The following JAG1 variants were observed in gnomAD, a reference collection of about 807,000 sequenced individuals.
JAG1 encodes the protein protein jagged-1.
In JAG1, 23 loss-of-function variants were observed where a neutral mutation model predicts 148.7. The ratio of observed to expected loss-of-function variants is 0.15; its 90% CI spans 0.11 to 0.22. JAG1 has a LOEUF of 0.22. JAG1 is among the 10% of genes least tolerant of loss of function. JAG1 has a pLI of 1.00. For missense variants in JAG1, 1,054 were observed against 1,611.2 expected (o/e 0.65, Z 5.92); for synonymous variants, 572 against 598.3 (o/e 0.96, Z 0.64).
intron 5 of JAG1, among the ~76,000 whole-genome samples, chr20:10,652,935 T>G (rs1364194507): frequency 6.6e-6 from 1 of 151,818 alleles, no homozygotes; most frequent in Non-Finnish European, 1.5e-5. Context: ...TGCGACAGAC[T>G]ATAGAGGAAA....
At position 10,640,939 on chromosome 20, in the gene JAG1, A is replaced by T; in HGVS notation, c.3049-6T>A. ...TCCCGTATATCTTCAGCAGACTGGA[A>T]AAACAATTGTCAGACTTGAGAGTCA... is the stretch of plus-strand genomic sequence containing the variant. On this transcript the variant is annotated splice_region_variant and splice_polypyrimidine_tract_variant and intron_variant, in intron 24 of 25. Transcript: ENST00000254958. 6.2e-7 allele frequency: 1 copy of T among 1,614,156 alleles called. No homozygotes were observed. Among genetic ancestry groups the T allele is most frequent in the South Asian group, 1.1e-5 (1 of 91,076 alleles).
At chr20:10,655,393 C>T (rs1284606200) in intron 5 of JAG1, among the ~76,000 whole-genome samples, 1 of 152,126 alleles carries the variant, frequency 6.6e-6, no homozygotes, top group Non-Finnish European at 1.5e-5. Flanking sequence ...CTGGAAGTTA[C>T]ACTTTGAGTA....
At chr20:10,665,841 A>G (rs1416861401) in intron 2 of JAG1, among the ~76,000 whole-genome samples, 1 of 152,208 alleles carries the variant, frequency 6.6e-6, no homozygotes, top group Non-Finnish European at 1.5e-5. Context: ...GTACTAACTC[A>G]GTTTAATACT....
Position 10,639,220 on chromosome 20 carries a change from G to A in JAG1, c.*278C>T, listed in dbSNP as rs2067252941. 4.1e-6 allele frequency: 2 copies of A among 484,954 alleles called. No individual in the cohort carries two copies. The highest frequency in any genetic ancestry group is 7.6e-6 in the Non-Finnish European group (2 of 263,674). 30.0% of individuals were successfully genotyped at this position (484,954 alleles called of 1,614,324 possible). On this transcript the variant is annotated 3_prime_UTR_variant, in exon 26 of 26. Transcript: ENST00000254958. ...GTGGGAGCTCAAAGACCAGGGGGCT[G>A]GGCAGGCTCCTGGGAGCCTGATCCG...
chr20:10,645,503 G>A lies in JAG1; in HGVS notation c.2000-34C>T, dbSNP rs779972879. 10 of 1,551,260 alleles carry A rather than the reference G, an allele frequency of 6.4e-6. No homozygotes were observed. The highest frequency in any genetic ancestry group is 2.2e-5 in the South Asian group (2 of 89,844). On this transcript the variant is annotated intron_variant, in intron 15 of 25. Coordinates refer to ENST00000254958, the MANE Select transcript of JAG1 (RefSeq NM_000214.3). This position sits in a 1 kb window ranked among gnomAD's most constrained non-coding sequence, Gnocchi z 6.1. ...AAAGGGGAGACAATCGGCTGAAGAC[G>A]AGATCCAGGACCATTCACGACAGGC... is the stretch of plus-strand genomic sequence containing the variant.
chr20:10,642,503 C>T lies in JAG1; in HGVS notation c.2557G>A (p.Ala853Thr), dbSNP rs967515336. The T allele has an allele frequency of 1.2e-6, 2 of 1,609,858 alleles. No individual in the cohort carries two copies. The highest frequency in any genetic ancestry group is 2.7e-5 in the African/African-American group (2 of 74,844). ...RCVCPPGHSG[A>T]KCQEVSGRPC... ...GCACACATACCTTCCTGGCACTTGG[C>T]ACCACTGTGCCCTGGAGGGCAGACA... Residue 853 changes from alanine (A) to threonine (T), a missense_variant, in exon 21 of 26, where the codon GCC becomes ACC. Physicochemically the swap from Ala to Thr is moderately conservative, Grantham distance 58 (BLOSUM62 0). Coordinates refer to ENST00000254958, the MANE Select transcript of JAG1 (RefSeq NM_000214.3).
At chr20:10,661,333 C>CTGT (rs1415809344) in intron 3 of JAG1, among the ~76,000 whole-genome samples, 2 of 152,118 alleles carry the variant, frequency 1.3e-5, no homozygotes, top group Non-Finnish European at 2.9e-5. Context: ...CGCTTGGGTC[C>CTGT]CACAGGGCAG....
intron 2 of JAG1, among the ~76,000 whole-genome samples, chr20:10,667,075 G>T (rs2067459072): frequency 1.3e-5 from 2 of 152,248 alleles, no homozygotes; most frequent in South Asian, 4.1e-4. Flanking sequence ...TGTGTTGGCA[G>T]CCGGGAGCTT....
intron 18 of JAG1, chr20:10,644,621 G>A (rs554333335): frequency 3.5e-4 from 224 of 640,898 alleles, no homozygotes; most frequent in Middle Eastern, 8.2e-4. Context: ...GAGAATGGAA[G>A]GAGACAGGCT....
intron 5 of JAG1, among the ~76,000 whole-genome samples, chr20:10,654,194 G>A (rs936350145): frequency 6.6e-6 from 1 of 152,068 alleles, no homozygotes; most frequent in African/African-American, 2.4e-5. Context: ...TCTTCAAGTT[G>A]CCTCATAAAG....
rs868205706 is a variant in JAG1, at chr20:10,644,286, A to T, written c.2372+71T>A. On this transcript the variant is annotated intron_variant, in intron 19 of 25. Transcript: ENST00000254958. The stretch of plus-strand genomic sequence containing the variant: ...ATCCCTGGGTGATTCTCACACACAC[A>T]CACACACACACACACACACACACAC... The T allele has an allele frequency of 2.9e-4, 281 of 959,968 alleles. 6 individuals are homozygous for T. The highest frequency in any genetic ancestry group is 8.0e-4 in the East Asian group (31 of 38,910). 59.5% of individuals were successfully genotyped at this position (959,968 alleles called of 1,614,324 possible). A position where few individuals can be genotyped will look rare whatever the true frequency, so the allele number is the denominator to read the frequency against.
At position 10,645,578 on chromosome 20, in the gene JAG1, C is replaced by G; in HGVS notation, c.2000-109G>C. On this transcript the variant is annotated intron_variant, in intron 15 of 25. Coordinates refer to ENST00000254958, the MANE Select transcript of JAG1 (RefSeq NM_000214.3). The surrounding 1 kb of genome is among the most constrained non-coding windows in gnomAD (Gnocchi z 6.1). ...TACATCCAACATCCTATTCTGAGAA[C>G]AGCCACAGTCGTAGTACTTTAACAC... 1 of 861,560 alleles carries G rather than the reference C, an allele frequency of 1.2e-6. No homozygotes were observed. The highest frequency in any genetic ancestry group is 1.9e-6 in the Non-Finnish European group (1 of 518,024). The allele number at this position is 861,560 out of a possible 1,614,324, so 53.4% of individuals were successfully genotyped here. A position where few individuals can be genotyped will look rare whatever the true frequency, so the allele number is the denominator to read the frequency against.
intron 4 of JAG1, among the ~76,000 whole-genome samples, chr20:10,656,895 A>C (rs1385891020): frequency 5.1e-5 from 7 of 138,612 alleles, no homozygotes; most frequent in African/African-American, 1.4e-4. Flanking sequence ...AAAAAAAAAA[A>C]CAACCCATAC....
intron 5 of JAG1, among the ~76,000 whole-genome samples, chr20:10,654,499 G>A (rs1034342101): frequency 1.3e-5 from 2 of 151,556 alleles, no homozygotes; most frequent in Non-Finnish European, 2.9e-5. Context: ...GTCTACTTGG[G>A]AACAACAAAA....
At chr20:10,641,986 C>T in intron 21 of JAG1, 94 bp from the exon 22 acceptor site, 1 of 842,696 alleles carries the variant, frequency 1.2e-6, no homozygotes, top group Non-Finnish European at 2.1e-6. Context: ...TATGCCTGTG[C>T]CCTTTGCCAT....
chr20:10,673,509 C>T lies in JAG1; in HGVS notation c.22G>A (p.Gly8Ser). The T allele has an allele frequency of 7.9e-7, 1 of 1,265,320 alleles. No homozygotes were observed. The highest frequency in any genetic ancestry group is 1.6e-5 in the African/African-American group (1 of 64,486). 78.4% of individuals were successfully genotyped at this position (1,265,320 alleles called of 1,614,324 possible). A position where few individuals can be genotyped will look rare whatever the true frequency, so the allele number is the denominator to read the frequency against. Residue 8 changes from glycine to serine, a missense_variant, in exon 1 of 26, where the codon GGC (glycine) becomes AGC (serine). Gly to Ser is a moderately conservative substitution (Grantham distance 56, BLOSUM62 0). This residue lies in a region of JAG1 where 151 missense variants were observed against 211.1 expected (regional missense o/e 0.72). Transcript: ENST00000254958. The surrounding 1 kb of genome is among the most constrained non-coding windows in gnomAD (Gnocchi z 4.7). MRSPRTR[G>S]RSGRPLSLLL... ...AGGCTTAGGGGGCGCCCGGACCGGC[C>T]GCGCGTCCGTGGGGAACGCATCGCT...
rs183704001 is a variant in JAG1, at chr20:10,651,702, A to C, written c.1007-8T>G. 6.3e-7 allele frequency: 1 copy of C among 1,593,182 alleles called. No individual in the cohort carries two copies. Among genetic ancestry groups the C allele is most frequent in the Non-Finnish European group, 8.6e-7 (1 of 1,161,688 alleles). ...AGAGGCAGGCGTGCTCAGCTGCAAA[A>C]ACCAGGATGGCAGTCAGAGAGGGAT... is the stretch of plus-strand genomic sequence containing the variant. On this transcript the variant is annotated splice_polypyrimidine_tract_variant and splice_region_variant and intron_variant, in intron 7 of 25. Transcript: ENST00000254958.
At chr20:10,642,970 T>C (rs189332488) in intron 20 of JAG1, among the ~76,000 whole-genome samples, 2 of 152,356 alleles carry the variant, frequency 1.3e-5, no homozygotes, top group East Asian at 3.9e-4. Flanking sequence ...ACTCTTGTGG[T>C]ATCATGAAAG....
At position 10,648,707 on chromosome 20, in the gene JAG1, A is replaced by G; in HGVS notation, c.1411T>C (p.Tyr471His). 1 of 1,614,218 alleles carries G rather than the reference A, an allele frequency of 6.2e-7. No individual in the cohort carries two copies. The change falls in exon 12 of 26, where the codon TAT becomes CAT. Residue 471 changes from tyrosine to histidine, a missense_variant. Coordinates refer to ENST00000254958, the MANE Select transcript of JAG1 (RefSeq NM_000214.3). ...DASCRDLVNGYRCICPPGYAG... is the reference protein window; with the variant it reads ...DASCRDLVNGHRCICPPGYAG... ...TAGCCAGGTGGACAGATACAGCGAT[A>G]ACCATTAACCAAATCCTAGAAGAGG...
Sources: gnomAD v4.1 joint callset for allele counts (sites outside exome capture counted in the v4.1 genomes callset) on GRCh38, gnomAD v4.1.1 for gene constraint, gnomAD v4.1.1 regional missense constraint, Gnocchi (gnomAD v3.1) non-coding constraint, MANE v1.5 for transcripts, NCBI Gene and HGNC (gene_info 2026-07-23, HGNC 2026-07-21) for gene names.